Variants in POLD3 observed in about 807,000 individuals in gnomAD.
The protein encoded by POLD3 is DNA polymerase delta subunit 3.
Under a neutral mutation model 58.2 loss-of-function variants are expected in POLD3, and 19 were observed. The ratio of observed to expected loss-of-function variants is 0.33; its 90% CI spans 0.23 to 0.48. POLD3 has a LOEUF of 0.48. Ranked by LOEUF, POLD3 falls within the 20% of genes least tolerant of loss-of-function variation. The pLI is 0.99. For synonymous variants in POLD3, 172 were observed against 193.5 expected (o/e 0.89, Z 0.92); for missense variants, 504 against 545.5 (o/e 0.92, Z 0.76).
intron 2 of POLD3, among the ~76,000 whole-genome samples, chr11:74,604,387 A>G (rs1190489154): frequency 6.6e-6 from 1 of 152,178 alleles, no homozygotes; most frequent in Non-Finnish European, 1.5e-5. Flanking sequence ...TCAGTGTTCT[A>G]TTTATTATGT....
chr11:74,637,100 TG>T (rs1331474981), intron 11 of POLD3, among the ~76,000 whole-genome samples: 3 of 152,224 alleles, frequency 2.0e-5, no homozygotes, highest in Non-Finnish European at 4.4e-5. Flanking sequence ...TTTTGCCTTT[TG>T]TGGCACCTGC....
chr11:74,602,473 C>T (rs2135122032), intron 2 of POLD3, among the ~76,000 whole-genome samples: 1 of 152,272 alleles, frequency 6.6e-6, no homozygotes, highest in South Asian at 2.1e-4. Flanking sequence ...TTCTCTTACA[C>T]TTCAACACAG....
downstream of POLD3, among the ~76,000 whole-genome samples, chr11:74,645,882 A>G (rs567124153): frequency 8.6e-5 from 13 of 151,944 alleles, no homozygotes; most frequent in East Asian, 2.3e-3. Flanking sequence ...CCACTGTGCT[A>G]TATTGCCTCT....
intron 4 of POLD3, among the ~76,000 whole-genome samples, chr11:74,657,928 T>C (rs1157998411): frequency 2.6e-5 from 4 of 152,206 alleles, no homozygotes; most frequent in African/African-American, 9.7e-5. Context: ...GGTAAAAGTT[T>C]TTTTCCCTTG....
Position 74,619,982 on chromosome 11 carries a change from C to T in POLD3, c.661-35C>T, listed in dbSNP as rs147944546. 9.2e-5 allele frequency: 145 copies of T among 1,569,400 alleles called. No individual in the cohort carries two copies. The East Asian group carries it at 1.7e-3, about 19-fold the overall frequency. ...GCTACTTCATGAACAGCCTAAATGCCAGCAAAAAATCATATGTGTTTTCTG... is the reference window on the plus strand; with the variant it reads ...GCTACTTCATGAACAGCCTAAATGCTAGCAAAAAATCATATGTGTTTTCTG... On this transcript the variant is annotated intron_variant, in intron 6 of 11. Transcript: ENST00000263681.
chr11:74,600,283 A>G (rs1364527640), intron 2 of POLD3, among the ~76,000 whole-genome samples: 1 of 152,050 alleles, frequency 6.6e-6, no homozygotes, highest in East Asian at 1.9e-4. Flanking sequence ...TATTTTGTTT[A>G]TTAAAAAATA....
At chr11:74,635,942 A>G (rs1174026162) in intron 10 of POLD3, among the ~76,000 whole-genome samples, 1 of 152,212 alleles carries the variant, frequency 6.6e-6, no homozygotes, top group East Asian at 1.9e-4. Flanking sequence ...TATTGACTGA[A>G]TGAACAGAAC....
chr11:74,607,240 T>TATATATATATATATATATATA (rs761011170), intron 3 of POLD3, among the ~76,000 whole-genome samples: 2 of 61,914 alleles, frequency 3.2e-5, no homozygotes, highest in African/African-American at 8.5e-5. Flanking sequence ...ATTATTATTA[T>TATATATATATATATATATATA]TATATATTTA....
chr11:74,615,867 T>C (rs1263407238), intron 5 of POLD3, among the ~76,000 whole-genome samples: 2 of 152,172 alleles, frequency 1.3e-5, no homozygotes, highest in Admixed American at 1.3e-4. Flanking sequence ...ACTGAGTGAA[T>C]TAATGATAGA....
At chr11:74,621,536 G>GTT (rs34051790) in intron 7 of POLD3, among the ~76,000 whole-genome samples, 1 of 151,554 alleles carries the variant, frequency 6.6e-6, no homozygotes, top group Non-Finnish European at 1.5e-5. Context: ...GGCTGTTATG[G>GTT]TTTTTTTTAA....
At chr11:74,600,710 CTTTTTTTT>C (rs57206403) in intron 2 of POLD3, among the ~76,000 whole-genome samples, 3 of 63,008 alleles carry the variant, frequency 4.8e-5, no homozygotes, top group South Asian at 6.7e-4. Context: ...GAATTCTTTC[CTTTTTTTT>C]TTTTTTTTTT....
intron 9 of POLD3, among the ~76,000 whole-genome samples, chr11:74,632,385 T>G (rs1219663144): frequency 3.1e-4 from 47 of 152,186 alleles, no homozygotes; most frequent in Non-Finnish European, 1.5e-5. Context: ...TACAAATCTG[T>G]TTAAAATACA....
intron 5 of POLD3, among the ~76,000 whole-genome samples, chr11:74,615,515 A>G (rs2032056264): frequency 6.6e-6 from 1 of 152,214 alleles, no homozygotes. Flanking sequence ...TGGTGAGCTA[A>G]GTAAATGGGG....
downstream of POLD3, among the ~76,000 whole-genome samples, chr11:74,644,095 G>T (rs2032970259): frequency 6.6e-6 from 1 of 152,248 alleles, no homozygotes; most frequent in African/African-American, 2.4e-5. Context: ...GGGGCAGAGG[G>T]GGCTGGTAAA....
chr11:74,629,550 A>C (rs888808116), intron 9 of POLD3, among the ~76,000 whole-genome samples: 2 of 151,638 alleles, frequency 1.3e-5, no homozygotes, highest in African/African-American at 4.9e-5. Flanking sequence ...AAGAATTATT[A>C]TTATACATAT....
At chr11:74,611,559 G>A in intron 4 of POLD3, 21 bp downstream of exon 4, 1 of 1,480,904 alleles carries the variant, frequency 6.8e-7, no homozygotes, top group South Asian at 1.2e-5. Context: ...TAGTGACTTA[G>A]CAAGTTTTTC....
chr11:74,592,918 T>C lies in POLD3; in HGVS notation c.60+200T>C, dbSNP rs2031085534. The C allele has an allele frequency of 2.8e-6, 4 of 1,417,022 alleles. No homozygotes were observed. In the East Asian group the frequency reaches 1.0e-4, roughly 37 times the overall value. 87.8% of individuals were successfully genotyped at this position (1,417,022 alleles called of 1,614,324 possible). The stretch of plus-strand genomic sequence containing the variant: ...GAAGGTCCTCCAGCACACACGGAAG[T>C]CCGCGTCCCTTGGGTGGGCGTGCTG... On this transcript the variant is annotated intron_variant, in intron 1 of 11. Transcript: ENST00000263681.
Position 74,618,782 on chromosome 11 carries a change from C to A in POLD3, c.638C>A (p.Thr213Lys). ...CAAGAAACCAACAAGGAAACGAAAA[C>A]AGAGGCTAAAGAAGTAACAAATGTA... is the stretch of plus-strand genomic sequence containing the variant. ...KTQETNKETK[T>K]EAKEVTNASA... The change falls in exon 6 of 12, where the codon ACA becomes AAA. Residue 213 changes from threonine to lysine, a missense_variant. Transcript: ENST00000263681. 5 of 1,613,368 alleles carry A rather than the reference C, an allele frequency of 3.1e-6. No homozygotes were observed. The highest frequency in any genetic ancestry group is 3.4e-6 in the Non-Finnish European group (4 of 1,179,408).
chr11:74,622,426 G>C (rs553282638), intron 7 of POLD3, among the ~76,000 whole-genome samples: 24 of 152,286 alleles, frequency 1.6e-4, no homozygotes, highest in African/African-American at 5.5e-4. Flanking sequence ...CTAGGTAGGA[G>C]TAATAGGGTG....
Sources: allele counts gnomAD v4.1 joint callset (sites outside exome capture counted in the v4.1 genomes callset), GRCh38; gene constraint gnomAD v4.1.1; transcripts MANE v1.5; gene names NCBI Gene and HGNC (gene_info 2026-07-23, HGNC 2026-07-21).